Variants in DPP10 observed in about 807,000 individuals in gnomAD.
DPP10 encodes the protein dipeptidyl peptidase like 10.
Under a neutral mutation model 120.9 loss-of-function variants are expected in DPP10, and 33 were observed. The observed-to-expected ratio is 0.27, with a 90% CI of 0.21 to 0.37. DPP10 has a LOEUF of 0.37. DPP10 is among the 10% of genes least tolerant of loss of function. DPP10 has a pLI of 1.00. For missense variants in DPP10, 816 were observed against 942.8 expected (o/e 0.87, Z 1.76); for synonymous variants, 337 against 326.1 (o/e 1.03, Z -0.36).
intron 1 of DPP10, among the ~76,000 whole-genome samples, chr2:115,226,779 T>C (rs2057454824): frequency 6.6e-6 from 1 of 152,130 alleles, no homozygotes; most frequent in South Asian, 2.1e-4. Flanking sequence ...ATGGAGAAAA[T>C]TGATTTCAGA....
At chr2:115,217,174 T>G (rs1457304170) in intron 1 of DPP10, among the ~76,000 whole-genome samples, 1 of 152,190 alleles carries the variant, frequency 6.6e-6, no homozygotes, top group African/African-American at 2.4e-5. Flanking sequence ...TTTGAACATT[T>G]TAGTTTTGAA....
chr2:114,770,882 T>C (rs1187994822), intron 1 of DPP10, among the ~76,000 whole-genome samples: 1 of 152,306 alleles, frequency 6.6e-6, no homozygotes, highest in South Asian at 2.1e-4. Context: ...GAGTTTTATG[T>C]CTTGGCCACA....
chr2:115,414,033 T>A (rs1357517168), intron 3 of DPP10, among the ~76,000 whole-genome samples: 1 of 152,162 alleles, frequency 6.6e-6, no homozygotes, highest in Non-Finnish European at 1.5e-5. Context: ...GATAAGCCTT[T>A]AATTCTGAGG....
intron 1 of DPP10, among the ~76,000 whole-genome samples, chr2:115,007,949 C>T (rs1254944516): frequency 1.3e-5 from 2 of 152,180 alleles, no homozygotes; most frequent in African/African-American, 2.4e-5. Flanking sequence ...AATGGAAGAA[C>T]ATTCCATGCT....
chr2:115,418,551 G>T (rs1175690945), intron 3 of DPP10, among the ~76,000 whole-genome samples: 2 of 152,112 alleles, frequency 1.3e-5, no homozygotes, highest in African/African-American at 2.4e-5. Context: ...CAGGAGGATT[G>T]CTTGAGCCCA....
intron 1 of DPP10, among the ~76,000 whole-genome samples, chr2:114,615,533 A>T (rs1693611528): frequency 6.6e-6 from 1 of 152,158 alleles, no homozygotes; most frequent in Non-Finnish European, 1.5e-5. Context: ...ATTCAGTGGC[A>T]ATTGCCCTGT....
At chr2:115,469,269 CA>C (rs1357022895) in intron 3 of DPP10, among the ~76,000 whole-genome samples, 9 of 152,052 alleles carry the variant, frequency 5.9e-5, no homozygotes, top group Non-Finnish European at 1.3e-4. Context: ...GAAGAAAGAC[CA>C]AAGAAGTATT....
chr2:114,908,322 T>C (rs1045491067), intron 1 of DPP10, among the ~76,000 whole-genome samples: 2 of 151,994 alleles, frequency 1.3e-5, no homozygotes, highest in Non-Finnish European at 2.9e-5. Flanking sequence ...ATTGATACTG[T>C]TGGATTTGCA....
intron 1 of DPP10, among the ~76,000 whole-genome samples, chr2:115,240,533 TC>T (rs1453649936): frequency 6.6e-6 from 1 of 152,184 alleles, no homozygotes; most frequent in African/African-American, 2.4e-5. Flanking sequence ...GGATATTAGC[TC>T]TTTGTCTGAT....
At chr2:114,968,723 G>A (rs545022095) in intron 1 of DPP10, among the ~76,000 whole-genome samples, 2 of 152,190 alleles carry the variant, frequency 1.3e-5, no homozygotes, top group Admixed American at 1.3e-4. Context: ...TTTTCATATG[G>A]TAAAGCCAAA....
intron 3 of DPP10, among the ~76,000 whole-genome samples, chr2:115,382,075 C>T (rs1380314537): frequency 6.6e-6 from 1 of 152,170 alleles, no homozygotes; most frequent in East Asian, 1.9e-4. Context: ...CTGTGGTGGG[C>T]TCCACCCAGT....
chr2:115,291,448 C>A (rs2060650408), intron 1 of DPP10, among the ~76,000 whole-genome samples: 4 of 152,090 alleles, frequency 2.6e-5, no homozygotes, highest in Admixed American at 2.0e-4. Context: ...TTTTCCCCAC[C>A]ACAAATTTCC....
chr2:115,313,332 T>C (rs1474709638), intron 2 of DPP10, among the ~76,000 whole-genome samples: 1 of 152,218 alleles, frequency 6.6e-6, no homozygotes, highest in Non-Finnish European at 1.5e-5. Flanking sequence ...GAAAAGGACA[T>C]CTTTGGTTTG....
intron 19 of DPP10, among the ~76,000 whole-genome samples, chr2:115,798,694 A>G (rs147552386): frequency 8.5e-5 from 13 of 152,236 alleles, no homozygotes; most frequent in African/African-American, 3.1e-4. Flanking sequence ...GAAGAAACTA[A>G]TAATTATTGT....
intron 1 of DPP10, among the ~76,000 whole-genome samples, chr2:114,532,281 A>G (rs1466651438): frequency 1.7e-5 from 1 of 57,724 alleles, no homozygotes; most frequent in African/African-American, 5.8e-5. Flanking sequence ...ATATATATAT[A>G]TATATATATA....
chr2:115,334,105 C>T lies in DPP10; in HGVS notation c.176-9712C>T, dbSNP rs186158274. On this transcript the variant is annotated intron_variant, in intron 2 of 25. Transcript: ENST00000410059. The stretch of plus-strand genomic sequence containing the variant: ...ATCCGGGAGAACTTCCCCAACCTAG[C>T]AAGGCAGGCTAACATTCAAATTCAG... 8.2e-3 allele frequency among the ~76,000 whole-genome samples: 1,241 copies of T among 151,626 alleles called. 8 individuals carry two copies. The highest frequency in any genetic ancestry group is 0.013 in the Non-Finnish European group (901 of 67,886).
chr2:114,831,020 AGATTTTTTTTTTTTTT>A, intron 1 of DPP10, among the ~76,000 whole-genome samples: 1 of 115,676 alleles, frequency 8.6e-6, no homozygotes, highest in South Asian at 3.1e-4. Flanking sequence ...ATCCATGCAA[AGATTTTTTTTTTTTTT>A]TTTTTTTTTT....
intron 1 of DPP10, among the ~76,000 whole-genome samples, chr2:114,847,374 A>T (rs1045772745): frequency 1.3e-5 from 2 of 152,012 alleles, no homozygotes; most frequent in African/African-American, 4.8e-5. Context: ...AGCACCTTTT[A>T]TCTCCAGGTA....
At chr2:115,578,463 A>G (rs918199056) in intron 5 of DPP10, among the ~76,000 whole-genome samples, 1 of 144,426 alleles carries the variant, frequency 6.9e-6, no homozygotes, top group Non-Finnish European at 1.6e-5. Context: ...GCTTTCTTCT[A>G]TTATGGCTTC....
Sources: allele counts gnomAD v4.1 joint callset (sites outside exome capture counted in the v4.1 genomes callset), GRCh38; gene constraint gnomAD v4.1.1; transcripts MANE v1.5; gene names NCBI Gene and HGNC (gene_info 2026-07-23, HGNC 2026-07-21).